The following FTCDNL1 variants were observed in gnomAD, a reference collection of about 807,000 sequenced individuals.
FTCDNL1 encodes formiminotransferase N-terminal subdomain-containing protein.
In FTCDNL1, 11 loss-of-function variants were observed where a neutral mutation model predicts 5.9. The observed-to-expected ratio is 1.87, with a 90% CI of 1.18 to 3.10. The LOEUF is 3.10. FTCDNL1 is among the 30% of genes most tolerant of loss of function. The pLI, the probability that FTCDNL1 is intolerant of heterozygous loss-of-function variation, is 0.00. For synonymous variants in FTCDNL1, 58 were observed against 24.8 expected, an observed-to-expected ratio of 2.34 and a Z score of -3.99; for missense variants, 115 against 65.5, an observed-to-expected ratio of 1.76 and a Z score of -2.61.
At chr2:199,850,210 T>C (rs1405743414) in intron 1 of FTCDNL1, among the ~76,000 whole-genome samples, 1 of 152,224 alleles carries the variant, frequency 6.6e-6, no homozygotes, top group Non-Finnish European at 1.5e-5. Flanking sequence ...ATTAGGTTTT[T>C]CTAGATATTA....
rs1205184625 is a variant in FTCDNL1 at position 199,803,462 on chromosome 2, TTTGG to T, written c.211+42609_211+42612del. Among the ~76,000 whole-genome samples the T allele has an allele frequency of 4.1e-4, 10 of 24,214 alleles. No homozygotes were observed. The East Asian group carries it at 0.033, about 81-fold the overall frequency. The allele number at this position is 24,214 out of a possible 152,430, so 15.9% of individuals were successfully genotyped here. On this transcript the variant is annotated intron_variant, in intron 3 of 3. Coordinates refer to the FTCDNL1 transcript ENST00000416668. ...AGGTTATTGTTTTGTTTTGTTTTGG[TTTGG>T]TTTGGTTTGGTTTGGTTTGTTGAGA... is the stretch of plus-strand genomic sequence containing the variant.
At position 199,848,938 on chromosome 2, in the gene FTCDNL1, G is replaced by A. The variant is rs756148000; in HGVS notation, c.25C>T (p.Arg9Cys). 12 of 701,994 alleles carry A rather than the reference G, an allele frequency of 1.7e-5. No individual in the cohort carries two copies. The highest frequency in any genetic ancestry group is 5.4e-5 in the East Asian group (2 of 37,298). The allele number at this position is 701,994 out of a possible 1,614,324, so 43.5% of individuals were successfully genotyped here. A position where few individuals can be genotyped will look rare whatever the true frequency, so the allele number is the denominator to read the frequency against. Residue 9 changes from arginine (R) to cysteine (C), a missense_variant, in exon 2 of 5, where the codon CGT (arginine) becomes TGT (cysteine). Physicochemically the swap from Arg to Cys is radical, Grantham distance 180 (BLOSUM62 -3). Transcript: ENST00000420128. ...ACGTTTAGTAAACAGGCAGCCAAAC[G>A]GAGCCCCACTCTGGAAGAAGACATG... MSSSRVGLRLAACLLNVSE... is the reference protein window; with the variant it reads MSSSRVGLCLAACLLNVSE...
chr2:199,792,327 C>T (rs1188794645), intron 3 of FTCDNL1, among the ~76,000 whole-genome samples: 2 of 152,172 alleles, frequency 1.3e-5, no homozygotes, highest in Admixed American at 6.5e-5. Flanking sequence ...AGAGATCTCA[C>T]TTCTATCCAA....
intron 3 of FTCDNL1, among the ~76,000 whole-genome samples, chr2:199,768,262 C>T (rs1698629678): frequency 6.6e-6 from 1 of 151,900 alleles, no homozygotes; most frequent in African/African-American, 2.4e-5. Flanking sequence ...CTTATATTTG[C>T]ATGCCAAAAA....
At chr2:199,702,003 C>A in the FTCDNL1 span, among the ~76,000 whole-genome samples, 2 of 151,930 alleles carry the variant, frequency 1.3e-5, no homozygotes, top group Non-Finnish European at 2.9e-5. Context: ...CCACTGCACT[C>A]CAGACTGGGT....
chr2:199,806,237 G>A (rs1700717764), downstream of FTCDNL1, among the ~76,000 whole-genome samples: 3 of 152,130 alleles, frequency 2.0e-5, no homozygotes, highest in African/African-American at 7.2e-5. Context: ...GAGGCCATGT[G>A]CAGGCTCGCT....
At chr2:199,708,034 T>G in the FTCDNL1 span, among the ~76,000 whole-genome samples, 1 of 152,100 alleles carries the variant, frequency 6.6e-6, no homozygotes, top group Non-Finnish European at 1.5e-5. Flanking sequence ...CTTCTCTCCT[T>G]TTCCTCTTAG....
chr2:199,762,419 C>T (rs951996880), intron 3 of FTCDNL1, among the ~76,000 whole-genome samples: 10 of 152,088 alleles, frequency 6.6e-5, no homozygotes, highest in Non-Finnish European at 7.4e-5. Context: ...TCTATTGGGC[C>T]GCATTCAAAG....
At chr2:199,741,973 A>G in the FTCDNL1 span, among the ~76,000 whole-genome samples, 1 of 152,312 alleles carries the variant, frequency 6.6e-6, no homozygotes. Context: ...TTAGCATGGC[A>G]CATGGGCTTT....
intron 3 of FTCDNL1, among the ~76,000 whole-genome samples, chr2:199,780,019 T>C (rs944581291): frequency 1.1e-4 from 17 of 152,040 alleles, no homozygotes; most frequent in African/African-American, 3.6e-4. Flanking sequence ...CCTGATGAAA[T>C]AAAAAGCAAG....
At chr2:199,716,466 T>C in the FTCDNL1 span, among the ~76,000 whole-genome samples, 1 of 152,190 alleles carries the variant, frequency 6.6e-6, no homozygotes, top group Non-Finnish European at 1.5e-5. Context: ...CAATTCTCAA[T>C]GACTCTGAGA....
At chr2:199,688,147 G>A in the FTCDNL1 span, among the ~76,000 whole-genome samples, 7 of 146,562 alleles carry the variant, frequency 4.8e-5, no homozygotes, top group African/African-American at 1.0e-4. Flanking sequence ...CAGGAGAATC[G>A]CTTCAACCTT....
At chr2:199,840,610 C>T (rs370347614) in intron 3 of FTCDNL1, among the ~76,000 whole-genome samples, 6 of 152,084 alleles carry the variant, frequency 3.9e-5, no homozygotes, top group East Asian at 1.9e-4. Flanking sequence ...TGTGATATTT[C>T]GATATCTAGA....
intron 4 of FTCDNL1, among the ~76,000 whole-genome samples, chr2:199,815,356 T>C (rs1375192279): frequency 1.3e-5 from 2 of 152,202 alleles, no homozygotes; most frequent in Non-Finnish European, 2.9e-5. Context: ...TGTTTCCTTA[T>C]AGATTCTGCT....
chr2:199,668,938 T>C, the FTCDNL1 span, among the ~76,000 whole-genome samples: 5 of 152,180 alleles, frequency 3.3e-5, no homozygotes, highest in African/African-American at 4.8e-5. Flanking sequence ...AAGAAACTGT[T>C]GTATCTCAGA....
chr2:199,794,360 T>C (rs1379461827), intron 3 of FTCDNL1, among the ~76,000 whole-genome samples: 1 of 152,148 alleles, frequency 6.6e-6, no homozygotes, highest in African/African-American at 2.4e-5. Flanking sequence ...CTTGAAGGAA[T>C]AATGGAGTGA....
the FTCDNL1 span, among the ~76,000 whole-genome samples, chr2:199,686,054 G>A: frequency 2.6e-5 from 4 of 152,166 alleles, no homozygotes; most frequent in Non-Finnish European, 5.9e-5. Flanking sequence ...AATCTAATGT[G>A]GGGCATGGAG....
chr2:199,683,045 G>C, the FTCDNL1 span, among the ~76,000 whole-genome samples: 1 of 152,150 alleles, frequency 6.6e-6, no homozygotes, highest in African/African-American at 2.4e-5. Flanking sequence ...GTTTTTCAAA[G>C]ACTGAAGTCC....
chr2:199,840,585 G>A (rs75812392), intron 3 of FTCDNL1, among the ~76,000 whole-genome samples: 5,053 of 152,140 alleles, frequency 0.033, 162 homozygotes, highest in Admixed American at 0.1. Flanking sequence ...AGACCAAGAC[G>A]TACCAGTGTT....
Sources: gnomAD v4.1 joint callset for allele counts (sites outside exome capture counted in the v4.1 genomes callset) on GRCh38, gnomAD v4.1.1 for gene constraint, MANE v1.5 for transcripts, NCBI Gene and HGNC (gene_info 2026-07-23, HGNC 2026-07-21) for gene names.